The following AXDND1 variants were observed in gnomAD, a reference collection of about 807,000 sequenced individuals.
The protein encoded by AXDND1 is axonemal dynein light chain domain-containing protein 1.
A neutral mutation model predicts 137.5 loss-of-function variants in AXDND1; 110 were observed. The ratio of observed to expected loss-of-function variants is 0.80; its 90% CI spans 0.69 to 0.94. The LOEUF is 0.94. AXDND1 is among the 40% of genes least tolerant of loss of function. AXDND1 has a pLI of 0.00. For synonymous variants in AXDND1, 414 were observed against 399.7 expected, an observed-to-expected ratio of 1.04 and a Z score of -0.43; for missense variants, 1,191 against 1,169.8, an observed-to-expected ratio of 1.02 and a Z score of -0.26.
chr1:179,419,762 G>A (rs1234531487), intron 12 of AXDND1, among the ~76,000 whole-genome samples: 1 of 152,082 alleles, frequency 6.6e-6, no homozygotes, highest in Non-Finnish European at 1.5e-5. Context: ...TTTGCAATTG[G>A]TATATATAAA....
At chr1:179,482,297 T>A (rs1484393833) in intron 17 of AXDND1, among the ~76,000 whole-genome samples, 1 of 151,940 alleles carries the variant, frequency 6.6e-6, no homozygotes, top group Non-Finnish European at 1.5e-5. Context: ...GTAGAACCAC[T>A]GCCTTACAAG....
At chr1:179,375,572 A>G (rs149823540) in intron 4 of AXDND1, among the ~76,000 whole-genome samples, 1 of 148,994 alleles carries the variant, frequency 6.7e-6, no homozygotes, top group Non-Finnish European at 1.5e-5. Context: ...ATATGTACAT[A>G]CATATATGTA....
intron 21 of AXDND1, 95 bp downstream of exon 21, chr1:179,509,498 CT>C (rs776579054): frequency 3.9e-5 from 31 of 793,828 alleles, no homozygotes; most frequent in Non-Finnish European, 5.2e-5. Flanking sequence ...GTTCTGAATC[CT>C]TGTTCATTTA....
chr1:179,441,492 G>A (rs1369928728), intron 15 of AXDND1, among the ~76,000 whole-genome samples: 1 of 152,202 alleles, frequency 6.6e-6, no homozygotes, highest in Non-Finnish European at 1.5e-5. Context: ...CACCTCACCA[G>A]TGCCAGTGCA....
chr1:179,399,474 TCTAGACATAA>T (rs59417013), intron 11 of AXDND1, among the ~76,000 whole-genome samples: 17,445 of 152,096 alleles, frequency 0.11, 1,167 homozygotes, highest in East Asian at 0.35. Context: ...CTATAAAAAT[TCTAGACATAA>T]CATTGGAAAA....
chr1:179,473,947 G>T (rs553899477), intron 17 of AXDND1, among the ~76,000 whole-genome samples: 1 of 152,182 alleles, frequency 6.6e-6, no homozygotes, highest in East Asian at 1.9e-4. Context: ...GTCTTGGCTG[G>T]GTGTGGTGGC....
intron 6 of AXDND1, among the ~76,000 whole-genome samples, chr1:179,381,339 G>A (rs1648265991): frequency 1.5e-5 from 2 of 136,330 alleles, no homozygotes; most frequent in South Asian, 2.4e-4. Flanking sequence ...ACAGCACATG[G>A]CTGATTTTTT....
At chr1:179,385,033 G>A (rs1648978817) in intron 8 of AXDND1, among the ~76,000 whole-genome samples, 1 of 152,104 alleles carries the variant, frequency 6.6e-6, no homozygotes, top group African/African-American at 2.4e-5. Flanking sequence ...CAAAGTGTTG[G>A]GATTACAGGT....
chr1:179,383,384 A>G, intron 7 of AXDND1, 58 bp from the exon 8 acceptor site: 13 of 1,291,280 alleles, frequency 1.0e-5, no homozygotes, highest in South Asian at 1.2e-5. Flanking sequence ...TCTTTTTGCC[A>G]TTTGAGAATT....
intron 25 of AXDND1, chr1:179,543,779 A>G (rs1672388005): frequency 6.6e-6 from 1 of 152,296 alleles, no homozygotes; most frequent in South Asian, 2.1e-4. Flanking sequence ...TCTGAATGCC[A>G]ATAACCAATT....
At chr1:179,461,820 G>A (rs34552506) in intron 16 of AXDND1, among the ~76,000 whole-genome samples, 35,085 of 152,010 alleles carry the variant, frequency 0.23, 4,369 homozygotes, top group East Asian at 0.35. Flanking sequence ...GCAATTGTGA[G>A]TGGGAGTTCA....
At chr1:179,368,337 C>T (rs1041123148) in intron 2 of AXDND1, among the ~76,000 whole-genome samples, 1 of 152,150 alleles carries the variant, frequency 6.6e-6, no homozygotes, top group Admixed American at 6.6e-5. Flanking sequence ...AGAGCCTTTC[C>T]ACTCTATAAA....
chr1:179,524,461 G>T (rs537986580), intron 21 of AXDND1, among the ~76,000 whole-genome samples: 2 of 152,008 alleles, frequency 1.3e-5, no homozygotes, highest in East Asian at 3.9e-4. Context: ...TTCTTGCTGG[G>T]TATTTTCACT....
At chr1:179,500,140 A>C (rs969081633) in intron 20 of AXDND1, among the ~76,000 whole-genome samples, 2 of 152,174 alleles carry the variant, frequency 1.3e-5, no homozygotes, top group Non-Finnish European at 2.9e-5. Context: ...TCCTGAACAA[A>C]ATACAGGCAA....
intron 21 of AXDND1, among the ~76,000 whole-genome samples, chr1:179,515,014 C>T (rs1260827869): frequency 2.0e-5 from 3 of 152,132 alleles, no homozygotes; most frequent in African/African-American, 7.2e-5. Flanking sequence ...ATCCATTCTG[C>T]AGTTTTGTAT....
At chr1:179,439,706 C>G (rs1268210667) in intron 15 of AXDND1, among the ~76,000 whole-genome samples, 2 of 152,142 alleles carry the variant, frequency 1.3e-5, no homozygotes, top group Non-Finnish European at 2.9e-5. Context: ...TTGAGTTGTC[C>G]CCAGGTTATG....
At position 179,378,742 on chromosome 1, in the gene AXDND1, C is replaced by A; in HGVS notation, c.480C>A (p.Val160=). 1 of 1,568,954 alleles carries A rather than the reference C, an allele frequency of 6.4e-7. No homozygotes were observed. Among genetic ancestry groups the A allele is most frequent in the South Asian group, 1.2e-5 (1 of 80,772 alleles). Residue 160 remains valine (V), a synonymous_variant, in exon 5 of 26, where the codon GTC becomes GTA. Transcript: ENST00000367618. The part of the protein sequence containing the change: ...LARSLQSHDG[V]IVPHKPKTLT... Reference sequence around the variant, plus strand: ...GTTCATTACAGTCACATGATGGTGTCATTGTGCCCCATAAGGTAAATAAAG... The same window carrying A: ...GTTCATTACAGTCACATGATGGTGTAATTGTGCCCCATAAGGTAAATAAAG...
At chr1:179,496,604 C>T (rs771915638) in intron 20 of AXDND1, among the ~76,000 whole-genome samples, 1 of 151,928 alleles carries the variant, frequency 6.6e-6, no homozygotes, top group African/African-American at 2.4e-5. Context: ...TTTCATGAAT[C>T]TACACAAAGA....
intron 16 of AXDND1, among the ~76,000 whole-genome samples, chr1:179,445,593 G>C (rs1018501530): frequency 6.6e-6 from 1 of 152,106 alleles, no homozygotes; most frequent in African/African-American, 2.4e-5. Context: ...ACTTTCATGT[G>C]AATGAATTCA....
Sources: gnomAD v4.1 joint callset for allele counts (sites outside exome capture counted in the v4.1 genomes callset) on GRCh38, gnomAD v4.1.1 for gene constraint, MANE v1.5 for transcripts, NCBI Gene and HGNC (gene_info 2026-07-23, HGNC 2026-07-21) for gene names.